The following EPRS1 variants were observed in gnomAD, a reference collection of about 807,000 sequenced individuals.
The protein encoded by EPRS1 is bifunctional glutamate/proline--tRNA ligase.
Under a neutral mutation model 188.3 loss-of-function variants are expected in EPRS1, and 107 were observed. The ratio of observed to expected loss-of-function variants is 0.57; its 90% CI spans 0.49 to 0.67. The LOEUF (loss-of-function observed/expected upper bound fraction) is 0.67, where lower values mean the gene tolerates loss of function less well. EPRS1 is among the 30% of genes least tolerant of loss of function. The pLI is 0.00. For synonymous variants in EPRS1, 596 were observed against 593.1 expected (o/e 1.00, Z -0.07); for missense variants, 1,577 against 1,802.2 (o/e 0.88, Z 2.26).
chr1:220,002,396 T>C (rs1367145530), intron 16 of EPRS1, among the ~76,000 whole-genome samples: 1 of 152,090 alleles, frequency 6.6e-6, no homozygotes, highest in South Asian at 2.1e-4. Context: ...CTATGAACTT[T>C]CGTCCATATG....
chr1:219,977,786 G>A (rs1441207900), intron 28 of EPRS1, among the ~76,000 whole-genome samples: 1 of 152,076 alleles, frequency 6.6e-6, no homozygotes, highest in African/African-American at 2.4e-5. Context: ...AGCAACTTTG[G>A]GAACCCTAGA....
chr1:219,978,684 A>G lies in EPRS1; in HGVS notation c.3945T>C (p.Leu1315=), dbSNP rs757718720. The G allele has an allele frequency of 6.2e-7, 1 of 1,612,684 alleles. No individual in the cohort carries two copies. ...VIIPCGITNA[L]SEEDKEALIA... is the part of the protein sequence containing the mutation. ...TCAGCGCTTCTTTGTCTTCTTCAGA[A>G]AGTGCATTGGTAATGCCACAAGGAA... Residue 1315 remains leucine (L), a synonymous_variant, in exon 28 of 32, where the codon CTT becomes CTC. Coordinates refer to ENST00000366923, the MANE Select transcript of EPRS1 (RefSeq NM_004446.3).
intron 18 of EPRS1, among the ~76,000 whole-genome samples, chr1:219,995,393 T>C (rs1233792391): frequency 2.6e-5 from 4 of 152,226 alleles, no homozygotes; most frequent in Non-Finnish European, 5.9e-5. Flanking sequence ...ATTCTACTTA[T>C]ACAATGAATA....
intron 18 of EPRS1, among the ~76,000 whole-genome samples, chr1:219,993,024 T>C (rs1045579176): frequency 1.3e-5 from 2 of 151,998 alleles, no homozygotes; most frequent in Admixed American, 6.6e-5. Flanking sequence ...AGCTTGAGTA[T>C]AGAAGTTCAA....
chr1:220,024,478 A>C (rs1444339765), intron 7 of EPRS1, 22 bp from the exon 8 acceptor site: 1 of 1,555,906 alleles, frequency 6.4e-7, no homozygotes, highest in Non-Finnish European at 8.7e-7. Context: ...AACCAAAATA[A>C]CCATCAGTAT....
chr1:219,997,332 G>A lies in EPRS1; in HGVS notation c.2192C>T (p.Pro731Leu). The A allele has an allele frequency of 6.3e-7, 1 of 1,587,724 alleles. No homozygotes were observed. The highest frequency in any genetic ancestry group is 8.5e-7 in the Non-Finnish European group (1 of 1,170,122). Reference sequence around the variant, plus strand: ...AGAAGGTGTTGGTCTTTCCTTAAAAGGAGCAGAGGTCTACCAAGAGAGAAA... The same window carrying A: ...AGAAGGTGTTGGTCTTTCCTTAAAAAGAGCAGAGGTCTACCAAGAGAGAAA... ...VEATKNETSA[P>L]FKERPTPSLN... is the part of the protein sequence containing the mutation. The change falls in exon 18 of 32, where the codon CCT becomes CTT. Residue 731 changes from proline to leucine, a missense_variant. Transcript: ENST00000366923.
At position 220,046,471 on chromosome 1, in the gene EPRS1, A is replaced by T. The variant is rs936549578; in HGVS notation, c.-83T>A. On this transcript the variant is annotated 5_prime_UTR_variant, in exon 1 of 32. Coordinates refer to ENST00000366923, the MANE Select transcript of EPRS1 (RefSeq NM_004446.3). ...GGACCCCGCGAAAGGAAGAAGATGC[A>T]ACGTGTGCGCGTACCCGACGCCGCC... The T allele has an allele frequency of 9.5e-6, 15 of 1,575,004 alleles. No homozygotes were observed. Among genetic ancestry groups the T allele is most frequent in the Non-Finnish European group, 1.3e-5 (15 of 1,161,942 alleles).
chr1:219,991,130 T>A (rs1661113167), intron 18 of EPRS1, among the ~76,000 whole-genome samples: 2 of 151,896 alleles, frequency 1.3e-5, no homozygotes, highest in Admixed American at 6.6e-5. Flanking sequence ...AATTTTTTTT[T>A]ATTACATTCT....
At chr1:219,982,627 T>C in intron 23 of EPRS1, 145 bp downstream of exon 23, 1 of 624,904 alleles carries the variant, frequency 1.6e-6, no homozygotes, top group South Asian at 2.4e-5. Context: ...AACTTAAGTT[T>C]GCATTCAATC....
At chr1:219,978,984 C>A (rs1259440013) in intron 27 of EPRS1, among the ~76,000 whole-genome samples, 4 of 151,776 alleles carry the variant, frequency 2.6e-5, no homozygotes. Context: ...CCCCCCCAGC[C>A]TCCCAAGTAG....
At chr1:220,036,898 TAAAA>T (rs1047089323) in intron 2 of EPRS1, among the ~76,000 whole-genome samples, 2 of 150,170 alleles carry the variant, frequency 1.3e-5, no homozygotes, top group African/African-American at 2.5e-5. Flanking sequence ...AACAAGATAC[TAAAA>T]AAAGAGTATC....
intron 28 of EPRS1, among the ~76,000 whole-genome samples, chr1:219,974,489 G>C (rs900459894): frequency 3.3e-5 from 5 of 152,122 alleles, no homozygotes; most frequent in African/African-American, 9.7e-5. Context: ...ATACATAGTA[G>C]ATTTTAAGTA....
intron 5 of EPRS1, among the ~76,000 whole-genome samples, chr1:220,030,772 G>A (rs190952589): frequency 2.1e-4 from 32 of 152,260 alleles, no homozygotes; most frequent in Admixed American, 1.2e-3. Flanking sequence ...GCTGGACCTC[G>A]AAGATAAGTA....
intron 13 of EPRS1, among the ~76,000 whole-genome samples, chr1:220,009,738 T>G (rs1351540318): frequency 6.6e-6 from 1 of 151,726 alleles, no homozygotes; most frequent in Non-Finnish European, 1.5e-5. Flanking sequence ...AACTAAGCAG[T>G]CATAAGGATC....
rs77432191 is a variant in EPRS1 at position 220,005,508 on chromosome 1, C to T, written c.1951-148G>A. 603 of 471,256 alleles carry T rather than the reference C, an allele frequency of 1.3e-3. 4 individuals carry two copies. The East Asian group carries it at 0.018, about 14-fold the overall frequency. 29.2% of individuals were successfully genotyped at this position (471,256 alleles called of 1,614,324 possible). A position where few individuals can be genotyped will look rare whatever the true frequency, so the allele number is the denominator to read the frequency against. On this transcript the variant is annotated intron_variant, in intron 15 of 31. Transcript: ENST00000366923. The stretch of plus-strand genomic sequence containing the variant: ...CACTACTTGAGGACACACAATGAAA[C>T]GGTGAAGTGTTAAATGACAATTCAA...
Position 220,034,907 on chromosome 1 carries a change from T to C in EPRS1, c.231+7A>G. 1 of 1,499,186 alleles carries C rather than the reference T, an allele frequency of 6.7e-7. No homozygotes were observed. The highest frequency in any genetic ancestry group is 9.3e-7 in the Non-Finnish European group (1 of 1,075,382). 92.9% of individuals were successfully genotyped at this position (1,499,186 alleles called of 1,614,324 possible). On this transcript the variant is annotated splice_region_variant and intron_variant, in intron 3 of 31. Coordinates refer to ENST00000366923, the MANE Select transcript of EPRS1 (RefSeq NM_004446.3). ...AAAACACACACAACAAAATGTTCAT[T>C]GCTTACCTCAGTATGTTCCATCAGA...
At chr1:219,970,862 A>G (rs1045259128) in intron 30 of EPRS1, among the ~76,000 whole-genome samples, 4 of 151,884 alleles carry the variant, frequency 2.6e-5, no homozygotes, top group Non-Finnish European at 4.4e-5. Flanking sequence ...CAATAACCCA[A>G]TAAGGATAGA....
chr1:220,044,557 T>C (rs1376758710), intron 1 of EPRS1, among the ~76,000 whole-genome samples: 1 of 151,722 alleles, frequency 6.6e-6, no homozygotes, highest in African/African-American at 2.4e-5. Flanking sequence ...AAATGCTGTG[T>C]CTACTAAAAA....
In EPRS1 at chr1:220,019,025, A is replaced by G. The variant is rs751337033; in HGVS notation, c.1404T>C (p.Val468=). The G allele has an allele frequency of 6.2e-7, 1 of 1,613,456 alleles. No homozygotes were observed. Among genetic ancestry groups the G allele is most frequent in the East Asian group, 2.2e-5 (1 of 44,842 alleles). Residue 468 remains valine (V), a synonymous_variant, in exon 11 of 32, where the codon GTT becomes GTC. Transcript: ENST00000366923. ...VRGVLRRGMT[V]EGLKQFIAAQ... ...CAGCAATAAACTGTTTCAGTCCTTC[A>G]ACTGTCATCCCTCTTCTCAGTACAC...
Sources: gnomAD v4.1 joint callset for allele counts (sites outside exome capture counted in the v4.1 genomes callset) on GRCh38, gnomAD v4.1.1 for gene constraint, MANE v1.5 for transcripts, NCBI Gene and HGNC (gene_info 2026-07-23, HGNC 2026-07-21) for gene names.